Variants in CDC42SE2 observed in about 807,000 individuals in gnomAD.
The protein encoded by CDC42SE2 is CDC42 small effector protein 2.
A neutral mutation model predicts 11.5 loss-of-function variants in CDC42SE2; 3 were observed. That is an observed-to-expected ratio of 0.26 (90% CI 0.12 to 0.67). The LOEUF (loss-of-function observed/expected upper bound fraction) is 0.67, where lower values mean the gene tolerates loss of function less well. Among genes scored for constraint, CDC42SE2 ranks in the 30% least tolerant of loss-of-function variants. The probability of loss-of-function intolerance (pLI) is 0.80; values close to 1 mark genes in which losing one functional copy is unlikely to be tolerated. For synonymous variants in CDC42SE2, 33 were observed against 34.8 expected (o/e 0.95, Z 0.18); for missense variants, 82 against 106.8 (o/e 0.77, Z 1.02).
At chr5:131,351,864 G>C (rs1386246939) in intron 2 of CDC42SE2, among the ~76,000 whole-genome samples, 1 of 152,190 alleles carries the variant, frequency 6.6e-6, no homozygotes, top group Non-Finnish European at 1.5e-5. Flanking sequence ...CTCTTCGAAA[G>C]ATGTTGTTCG....
At chr5:131,386,546 C>A (rs533183385) in intron 4 of CDC42SE2, among the ~76,000 whole-genome samples, 1 of 152,174 alleles carries the variant, frequency 6.6e-6, no homozygotes, top group Admixed American at 6.5e-5. Context: ...AAGATTTATT[C>A]GCTGTCTTTT....
At chr5:131,296,190 G>A (rs557378460) in intron 1 of CDC42SE2, among the ~76,000 whole-genome samples, 3 of 152,268 alleles carry the variant, frequency 2.0e-5, no homozygotes, top group South Asian at 4.1e-4. Context: ...TTGATGAGCT[G>A]GAGACCATGT....
At chr5:131,264,271 G>C (rs1430121117) in intron 1 of CDC42SE2, 105 bp downstream of exon 1, 3 of 152,310 alleles carry the variant, frequency 2.0e-5, no homozygotes, top group African/African-American at 4.8e-5. Context: ...TGAGGGCTCT[G>C]GGGTGAGCGC....
intron 1 of CDC42SE2, among the ~76,000 whole-genome samples, chr5:131,282,362 C>G (rs1295517184): frequency 6.6e-6 from 1 of 152,134 alleles, no homozygotes; most frequent in Non-Finnish European, 1.5e-5. Flanking sequence ...TAAACAATAG[C>G]AAGTTTCTCT....
the CDC42SE2 span, among the ~76,000 whole-genome samples, chr5:131,217,780 T>G: frequency 6.6e-6 from 1 of 152,192 alleles, no homozygotes; most frequent in Non-Finnish European, 1.5e-5. Flanking sequence ...AGAAAATGAA[T>G]AGGCAAGCTC....
intron 1 of CDC42SE2, among the ~76,000 whole-genome samples, chr5:131,297,589 G>A (rs1757595130): frequency 6.6e-6 from 1 of 151,902 alleles, no homozygotes; most frequent in African/African-American, 2.4e-5. Flanking sequence ...GCGTGGTGGC[G>A]GGTGCCTGTA....
At chr5:131,267,539 A>G (rs1420313864) in intron 1 of CDC42SE2, among the ~76,000 whole-genome samples, 1 of 152,114 alleles carries the variant, frequency 6.6e-6, no homozygotes, top group African/African-American at 2.4e-5. Flanking sequence ...GGGAGAGGGT[A>G]GTTCATTTTT....
chr5:131,294,789 C>G (rs1036765843), intron 1 of CDC42SE2, among the ~76,000 whole-genome samples: 4 of 151,932 alleles, frequency 2.6e-5, no homozygotes, highest in African/African-American at 9.7e-5. Flanking sequence ...GTCAGGAGTT[C>G]GAGACCAGCC....
chr5:131,307,335 C>T (rs993567648), intron 1 of CDC42SE2, among the ~76,000 whole-genome samples: 8 of 150,452 alleles, frequency 5.3e-5, no homozygotes, highest in Non-Finnish European at 7.4e-5. Context: ...TTTGTTCTTG[C>T]GATAGTTTAC....
intron 1 of CDC42SE2, among the ~76,000 whole-genome samples, chr5:131,268,706 C>T (rs1404440075): frequency 6.6e-6 from 1 of 151,080 alleles, no homozygotes; most frequent in Non-Finnish European, 1.5e-5. Context: ...CCTGCCTTAG[C>T]CTCCCAAAGT....
intron 3 of CDC42SE2, among the ~76,000 whole-genome samples, chr5:131,362,910 G>A (rs1173576410): frequency 6.6e-6 from 1 of 152,102 alleles, no homozygotes; most frequent in Non-Finnish European, 1.5e-5. Context: ...ACTTTGAGAG[G>A]CCAAGGCAGG....
chr5:131,276,068 T>C (rs964071516), intron 1 of CDC42SE2, among the ~76,000 whole-genome samples: 1 of 151,982 alleles, frequency 6.6e-6, no homozygotes, highest in African/African-American at 2.4e-5. Flanking sequence ...TAATGACTTG[T>C]GAAGTTCTGG....
intron 1 of CDC42SE2, among the ~76,000 whole-genome samples, chr5:131,285,946 A>G (rs1255687955): frequency 6.6e-6 from 1 of 152,008 alleles, no homozygotes; most frequent in Non-Finnish European, 1.5e-5. Flanking sequence ...GATAGCTTCC[A>G]TTATCACTTC....
At chr5:131,283,323 C>T (rs1028838187) in intron 1 of CDC42SE2, among the ~76,000 whole-genome samples, 2 of 152,156 alleles carry the variant, frequency 1.3e-5, no homozygotes, top group African/African-American at 4.8e-5. Context: ...CATTTCTGTT[C>T]TTCCCTCCCC....
intron 3 of CDC42SE2, among the ~76,000 whole-genome samples, chr5:131,379,038 T>C (rs1348823447): frequency 2.0e-5 from 3 of 152,178 alleles, no homozygotes; most frequent in African/African-American, 4.8e-5. Context: ...ATAGTGGGCT[T>C]GTTAGATTTA....
chr5:131,354,783 T>C (rs1284157472), intron 2 of CDC42SE2: 1 of 151,914 alleles, frequency 6.6e-6, no homozygotes, highest in African/African-American at 2.4e-5. Flanking sequence ...AGCATCCAAA[T>C]CCAAAAATCT....
chr5:131,318,245 A>T (rs758786682), intron 2 of CDC42SE2, among the ~76,000 whole-genome samples: 1 of 152,212 alleles, frequency 6.6e-6, no homozygotes, highest in Non-Finnish European at 1.5e-5. Flanking sequence ...AACCAGGAGA[A>T]TAACTTTTTA....
intron 1 of CDC42SE2, among the ~76,000 whole-genome samples, chr5:131,289,803 A>G (rs1294329912): frequency 3.3e-5 from 5 of 152,102 alleles, no homozygotes; most frequent in Non-Finnish European, 5.9e-5. Context: ...TGAGGTAAGG[A>G]ACATGTTAAA....
intron 3 of CDC42SE2, among the ~76,000 whole-genome samples, chr5:131,362,901 C>T (rs1014143617): frequency 7.2e-5 from 11 of 152,086 alleles, no homozygotes; most frequent in African/African-American, 2.7e-4. Flanking sequence ...AATCCTAGCA[C>T]TTTGAGAGGC....
Sources: allele counts gnomAD v4.1 joint callset (sites outside exome capture counted in the v4.1 genomes callset), GRCh38; gene constraint gnomAD v4.1.1; transcripts MANE v1.5; gene names NCBI Gene and HGNC (gene_info 2026-07-23, HGNC 2026-07-21).